Variants in CLSPN observed in about 807,000 individuals in gnomAD.
CLSPN encodes claspin, also known as claspin homolog.
CLSPN carries 85 observed loss-of-function variants against 156.3 expected under a neutral mutation model. The observed-to-expected ratio is 0.54, with a 90% CI of 0.46 to 0.65. The LOEUF (loss-of-function observed/expected upper bound fraction) is 0.65, where lower values mean the gene tolerates loss of function less well. CLSPN is among the 30% of genes least tolerant of loss of function. The pLI is 0.00. For missense variants in CLSPN, 1,407 were observed against 1,554.9 expected (o/e 0.90, Z 1.60); for synonymous variants, 534 against 542.4 (o/e 0.98, Z 0.22).
chr1:35,721,025 TGA>T, intron 24 of CLSPN: 1 of 1,331,004 alleles, frequency 7.5e-7, no homozygotes, highest in South Asian at 1.2e-5. Flanking sequence ...GAAACAGAGA[TGA>T]GAGATAGTTC....
intron 16 of CLSPN, among the ~76,000 whole-genome samples, chr1:35,743,945 C>A (rs1418424351): frequency 6.6e-6 from 1 of 152,094 alleles, no homozygotes; most frequent in Non-Finnish European, 1.5e-5. Context: ...TTATTATCAC[C>A]AATAATCTCT....
chr1:35,726,152 CAAAAAAAAA>C (rs3041363), intron 24 of CLSPN, among the ~76,000 whole-genome samples: 10 of 48,200 alleles, frequency 2.1e-4, no homozygotes, highest in Admixed American at 7.4e-4. Flanking sequence ...CAGATGCAGA[CAAAAAAAAA>C]AAAAAAAAAA....
downstream of CLSPN, among the ~76,000 whole-genome samples, chr1:35,731,199 CAAAA>C (rs78926364): frequency 3.7e-5 from 3 of 80,466 alleles, no homozygotes; most frequent in Admixed American, 2.9e-4. Flanking sequence ...GACTCTGTCT[CAAAA>C]AAAAAAAAAA....
At chr1:35,720,966 C>G in exon 25 of CLSPN, 1 of 1,609,788 alleles carries the variant, frequency 6.2e-7, no homozygotes, top group Non-Finnish European at 8.5e-7. Context: ...AGTCAGAGTC[C>G]TTCTCTGGGA....
intron 8 of CLSPN, among the ~76,000 whole-genome samples, chr1:35,755,204 T>A (rs1197975596): frequency 6.6e-6 from 1 of 151,894 alleles, no homozygotes; most frequent in Non-Finnish European, 1.5e-5. Flanking sequence ...TTAGAGGTGA[T>A]CCTCTCACCT....
chr1:35,740,699 A>G (rs1335487993), intron 18 of CLSPN, among the ~76,000 whole-genome samples: 3 of 152,090 alleles, frequency 2.0e-5, no homozygotes, highest in Non-Finnish European at 4.4e-5. Flanking sequence ...GATTACAGGC[A>G]TGAGCCACCA....
rs778127962 is a variant in CLSPN at position 35,764,301 on chromosome 1, T to G, written c.547A>C (p.Ile183Leu). Residue 183 changes from isoleucine (I) to leucine (L), a missense_variant, in exon 3 of 25, where the codon ATT becomes CTT. Physicochemically the swap from Ile to Leu is conservative, Grantham distance 5. Around this residue, in one of 3 missense-constraint regions of CLSPN, gnomAD observed 1,096 missense variants for 1,193.0 expected, o/e 0.92. Transcript: ENST00000318121. ...GTTTCCTTCTTTTTTAGCTGTCTAA[T>G]TTTTTCCATTTTTCTCTCCTCTTTC... is the stretch of plus-strand genomic sequence containing the variant. ...LEKEERKMEKIRQLKKKETKN... is the reference protein window; with the variant it reads ...LEKEERKMEKLRQLKKKETKN... 3.0e-5 allele frequency: 48 copies of G among 1,581,112 alleles called. No homozygotes were observed. The highest frequency in any genetic ancestry group is 1.4e-5 in the Non-Finnish European group (16 of 1,171,022).
chr1:35,753,066 T>C (rs945124943), intron 9 of CLSPN, among the ~76,000 whole-genome samples: 4 of 152,178 alleles, frequency 2.6e-5, no homozygotes, highest in Non-Finnish European at 5.9e-5. Context: ...ATGCATGTTA[T>C]GATCACATTA....
Position 35,764,446 on chromosome 1 carries a change from C to A in CLSPN, c.402G>T (p.Leu134=). ...LEAQVKPCLE[L]SLQSGNSTDF... ...CTGTAGAGTTTCCAGACTGAAGACT[C>A]AGCTCTAAGCAAGGTTTCACTTGCG... The change falls in exon 3 of 25, where the codon CTG becomes CTT. Residue 134 remains leucine, a synonymous_variant. Transcript: ENST00000318121. 2 of 1,614,148 alleles carry A rather than the reference C, an allele frequency of 1.2e-6. No individual in the cohort carries two copies. The highest frequency in any genetic ancestry group is 1.7e-6 in the Non-Finnish European group (2 of 1,180,022).
At chr1:35,752,953 C>A (rs926532673) in intron 9 of CLSPN, among the ~76,000 whole-genome samples, 1 of 152,238 alleles carries the variant, frequency 6.6e-6, no homozygotes, top group Admixed American at 6.5e-5. Flanking sequence ...TCATTTGATA[C>A]CTTTTTTCAG....
At chr1:35,755,368 G>A (rs112375069) in intron 8 of CLSPN, among the ~76,000 whole-genome samples, 105 of 151,674 alleles carry the variant, frequency 6.9e-4, no homozygotes, top group African/African-American at 2.4e-3. Flanking sequence ...CTGGGTTCAA[G>A]CAATTCTCCT....
chr1:35,763,392 A>G, intron 3 of CLSPN, 71 bp from the exon 4 acceptor site: 1 of 1,190,826 alleles, frequency 8.4e-7, no homozygotes, highest in Non-Finnish European at 1.1e-6. Flanking sequence ...ATCATATGGC[A>G]ATTTGGATCA....
chr1:35,760,107 C>G (rs1009801337), intron 8 of CLSPN, among the ~76,000 whole-genome samples: 1 of 152,210 alleles, frequency 6.6e-6, no homozygotes, highest in African/African-American at 2.4e-5. Context: ...GCTGGGATTA[C>G]AGGCGTAAGC....
chr1:35,735,638 G>A lies in CLSPN; in HGVS notation c.*858C>T, dbSNP rs545118754. 1.5e-5 allele frequency: 12 copies of A among 783,088 alleles called. No homozygotes were observed. In the East Asian group the frequency reaches 1.2e-3, roughly 75 times the overall value. The allele number at this position is 783,088 out of a possible 1,614,324, so 48.5% of individuals were successfully genotyped here. On this transcript the variant is annotated 3_prime_UTR_variant, in exon 25 of 25. Coordinates refer to ENST00000318121, the MANE Select transcript of CLSPN (RefSeq NM_022111.4). The stretch of plus-strand genomic sequence containing the variant: ...CAGGAGAATCACTTGAACCCGGGAG[G>A]CAGAGGTTGCCGTGAGCCGAGATTG...
chr1:35,737,158 G>T, intron 23 of CLSPN, 83 bp from the exon 24 acceptor site: 2 of 1,403,638 alleles, frequency 1.4e-6, no homozygotes, highest in South Asian at 1.2e-5. Flanking sequence ...CTTCCCCCTA[G>T]ATATTGAGGG....
At chr1:35,763,385 A>G in intron 3 of CLSPN, 64 bp from the exon 4 acceptor site, 2 of 1,271,062 alleles carry the variant, frequency 1.6e-6, no homozygotes, top group Non-Finnish European at 2.1e-6. Flanking sequence ...TCACAACATC[A>G]TATGGCAATT....
Position 35,736,575 on chromosome 1 carries a change from G to T in CLSPN, c.3941C>A (p.Ser1314Tyr), listed in dbSNP as rs1458417721. 1.2e-6 allele frequency: 2 copies of T among 1,612,356 alleles called. No individual in the cohort carries two copies. The highest frequency in any genetic ancestry group is 1.7e-4 in the Middle Eastern group (1 of 6,052). The change falls in exon 25 of 25, where the codon TCT becomes TAT. Residue 1314 changes from serine (S) to tyrosine (Y), a missense_variant. Around this residue, in one of 3 missense-constraint regions of CLSPN, gnomAD observed 241 missense variants for 240.5 expected, o/e 1.00. Transcript: ENST00000318121. The part of the protein sequence containing the change: ...VKKRGPSFMT[S>Y]PSPKHLKTDD... ...TGTTTTGAGGTGCTTAGGTGAAGGA[G>T]AAGTCATGAAAGATGGACCCCTTTT...
Position 35,761,178 on chromosome 1 carries a change from T to C in CLSPN, c.922A>G (p.Met308Val). ...RESALNLPYH[M>V]PENKTIHDFF... is the part of the protein sequence containing the mutation. ...TCATGAATGGTTTTATTCTCAGGCATATGATATGGAAGGTTCAGTGCAGAC... is the reference window on the plus strand; with the variant it reads ...TCATGAATGGTTTTATTCTCAGGCACATGATATGGAAGGTTCAGTGCAGAC... Residue 308 changes from methionine (M) to valine (V), a missense_variant, in exon 7 of 25, where the codon ATG becomes GTG. Met to Val is a conservative substitution (Grantham distance 21). Around this residue, in one of 3 missense-constraint regions of CLSPN, gnomAD observed 1,096 missense variants for 1,193.0 expected, o/e 0.92. Transcript: ENST00000318121. 2 of 1,613,214 alleles carry C rather than the reference T, an allele frequency of 1.2e-6. No homozygotes were observed. Among genetic ancestry groups the C allele is most frequent in the African/African-American group, 1.3e-5 (1 of 75,046 alleles).
In CLSPN at chr1:35,736,963, G is replaced by GTA; in HGVS notation, c.3858_3859dup (p.Thr1287IlefsTer19). On this transcript the variant is annotated frameshift_variant, in exon 24 of 25. Coordinates refer to ENST00000318121, the MANE Select transcript of CLSPN (RefSeq NM_022111.4). LOFTEE classifies it high-confidence loss of function. The stretch of plus-strand genomic sequence containing the variant: ...CGCCTCAGCCTTGACAGGAGAAAGT[G>GTA]TATGAAAGACAAAGTTTCTTGAATT... The GTA allele has an allele frequency of 6.2e-7, 1 of 1,614,170 alleles. No homozygotes were observed. The highest frequency in any genetic ancestry group is 8.5e-7 in the Non-Finnish European group (1 of 1,180,010).
Sources: allele counts gnomAD v4.1 joint callset (sites outside exome capture counted in the v4.1 genomes callset), GRCh38; gene constraint gnomAD v4.1.1; regional missense constraint gnomAD v4.1.1; transcripts MANE v1.5; gene names NCBI Gene and HGNC (gene_info 2026-07-23, HGNC 2026-07-21).